Variants in MOCS1 observed in about 807,000 individuals in gnomAD.
MOCS1 encodes the protein molybdenum cofactor synthesis 1, also known as molybdenum cofactor biosynthesis protein 1.
In MOCS1, 39 loss-of-function variants were observed where a neutral mutation model predicts 57.6. That is an observed-to-expected ratio of 0.68 (90% CI 0.52 to 0.88). The LOEUF (loss-of-function observed/expected upper bound fraction) is 0.88. MOCS1 is among the 40% of genes least tolerant of loss of function. MOCS1 has a pLI of 0.00. For synonymous variants in MOCS1, 334 were observed against 335.7 expected (o/e 1.00, Z 0.05); for missense variants, 795 against 831.1 (o/e 0.96, Z 0.53).
intron 3 of MOCS1, among the ~76,000 whole-genome samples, chr6:39,920,542 G>C (rs573477994): frequency 2.6e-5 from 4 of 152,180 alleles, no homozygotes; most frequent in African/African-American, 9.7e-5. Flanking sequence ...TTCACATAAT[G>C]TAACAGTAGA....
At chr6:39,910,956 A>T (rs773993160) in intron 8 of MOCS1, among the ~76,000 whole-genome samples, 1 of 152,186 alleles carries the variant, frequency 6.6e-6, no homozygotes, top group Non-Finnish European at 1.5e-5. Context: ...GCACAGCTCA[A>T]GTGCCAATGA....
chr6:39,909,009 C>A, intron 10 of MOCS1, 46 bp downstream of exon 10: 1 of 1,577,284 alleles, frequency 6.3e-7, no homozygotes. Flanking sequence ...CCCACGAGAT[C>A]CCCAAATGAC....
chr6:39,908,476 C>T (rs1245608722), intron 10 of MOCS1, among the ~76,000 whole-genome samples: 2 of 152,188 alleles, frequency 1.3e-5, no homozygotes, highest in African/African-American at 4.8e-5. Context: ...GCATCCTACA[C>T]ACACGATGAT....
chr6:39,932,026 T>C (rs1289000158), intron 1 of MOCS1, among the ~76,000 whole-genome samples: 3 of 152,158 alleles, frequency 2.0e-5, no homozygotes, highest in African/African-American at 7.2e-5. Context: ...CTACTCGACC[T>C]GTTCTTGGAC....
intron 3 of MOCS1, among the ~76,000 whole-genome samples, chr6:39,920,517 A>C (rs1193145390): frequency 6.6e-6 from 1 of 152,244 alleles, no homozygotes; most frequent in Non-Finnish European, 1.5e-5. Flanking sequence ...CACTAAAAGG[A>C]GAAAATAGGG....
At chr6:39,927,553 G>A in intron 1 of MOCS1, 98 bp from the exon 2 acceptor site, 1 of 1,610,942 alleles carries the variant, frequency 6.2e-7, no homozygotes, top group Non-Finnish European at 8.5e-7. Flanking sequence ...TCTGACATCT[G>A]TGCGGAGCTT....
intron 3 of MOCS1, among the ~76,000 whole-genome samples, chr6:39,918,732 A>T (rs1767799986): frequency 6.6e-6 from 1 of 152,236 alleles, no homozygotes; most frequent in African/African-American, 2.4e-5. Context: ...CAAGATGCAG[A>T]GGAAAAATGG....
intron 3 of MOCS1, among the ~76,000 whole-genome samples, chr6:39,918,630 C>T (rs930888180): frequency 5.9e-5 from 9 of 152,094 alleles, no homozygotes; most frequent in Non-Finnish European, 1.5e-5. Flanking sequence ...TTATGCAACC[C>T]AAAATGACTC....
intron 3 of MOCS1, among the ~76,000 whole-genome samples, chr6:39,923,920 G>A (rs990908053): frequency 6.6e-6 from 1 of 152,212 alleles, no homozygotes; most frequent in African/African-American, 2.4e-5. Context: ...AGCACAGTAG[G>A]AGGCATGCAA....
chr6:39,912,188 A>C, intron 8 of MOCS1, 76 bp downstream of exon 8: 1 of 1,159,614 alleles, frequency 8.6e-7, no homozygotes, highest in Non-Finnish European at 1.3e-6. Flanking sequence ...CTCCTCTCCA[A>C]TCAGGGAGCA....
At chr6:39,911,962 C>T (rs2984442) in intron 8 of MOCS1, among the ~76,000 whole-genome samples, 49,080 of 152,020 alleles carry the variant, frequency 0.32, 9,466 homozygotes, top group Non-Finnish European at 0.44. Context: ...ATGGCGGGGG[C>T]CAGGCAAAAT....
chr6:39,913,025 G>A (rs914363620), intron 6 of MOCS1, 21 bp from the exon 7 acceptor site: 3 of 1,603,678 alleles, frequency 1.9e-6, no homozygotes, highest in African/African-American at 1.3e-5. Flanking sequence ...GATGGGGGAA[G>A]GCAAGGGGAG....
Position 39,906,951 on chromosome 6 carries a change from C to G in MOCS1, c.1317G>C (p.Arg439=). Residue 439 remains arginine (R), a synonymous_variant, in exon 11 of 11, where the codon CGG becomes CGC. Transcript: ENST00000340692. ...GTCTCTGAAAGGAGCCAGACCCCAG[C>G]CGCTGCTGGGCTAGAGGAGGGGTCT... ...VPQTPPLAQQ[R]LGSGSFQRHY... The G allele has an allele frequency of 1.2e-6, 2 of 1,614,146 alleles. No individual in the cohort carries two copies.
chr6:39,910,723 C>A (rs567967134), intron 8 of MOCS1, among the ~76,000 whole-genome samples: 1 of 152,130 alleles, frequency 6.6e-6, no homozygotes, highest in Non-Finnish European at 1.5e-5. Flanking sequence ...ACTGCTTCAG[C>A]GTGCCTGTTA....
chr6:39,912,462 C>T, intron 7 of MOCS1, 88 bp from the exon 8 acceptor site: 2 of 926,204 alleles, frequency 2.2e-6, no homozygotes, highest in Admixed American at 1.8e-5. Flanking sequence ...AGAACCTCCA[C>T]TCCTCAACCC....
intron 1 of MOCS1, chr6:39,932,256 C>A (rs571616818): frequency 9.6e-4 from 147 of 152,426 alleles, no homozygotes; most frequent in Non-Finnish European, 1.8e-3. Context: ...CCCACCCCAA[C>A]TGGCAAGCTC....
At chr6:39,908,794 G>C (rs1223433950) in intron 10 of MOCS1, among the ~76,000 whole-genome samples, 2 of 152,086 alleles carry the variant, frequency 1.3e-5, no homozygotes, top group Non-Finnish European at 1.5e-5. Context: ...CATTAAATCT[G>C]GCAGACCATC....
chr6:39,921,682 T>TTG (rs1178515393), intron 3 of MOCS1, among the ~76,000 whole-genome samples: 9 of 151,720 alleles, frequency 5.9e-5, no homozygotes, highest in Non-Finnish European at 1.0e-4. Flanking sequence ...AGCTATACTC[T>TTG]ACAAGAAAGG....
At chr6:39,907,423 C>A (rs1767031164) in intron 10 of MOCS1, among the ~76,000 whole-genome samples, 1 of 152,126 alleles carries the variant, frequency 6.6e-6, no homozygotes, top group South Asian at 2.1e-4. Flanking sequence ...TTCCCAAGTT[C>A]TCTCAAGCAG....
Sources: allele counts gnomAD v4.1 joint callset (sites outside exome capture counted in the v4.1 genomes callset), GRCh38; gene constraint gnomAD v4.1.1; transcripts MANE v1.5; gene names NCBI Gene and HGNC (gene_info 2026-07-23, HGNC 2026-07-21).